The following COL5A2 variants were observed in gnomAD, a reference collection of about 807,000 sequenced individuals.
COL5A2 encodes the protein collagen alpha-2(V) chain.
A neutral mutation model predicts 208.2 loss-of-function variants in COL5A2; 23 were observed. The observed-to-expected ratio is 0.11, with a 90% CI of 0.08 to 0.16. COL5A2 has a LOEUF of 0.16. Ranked by LOEUF, COL5A2 falls within the 10% of genes least tolerant of loss-of-function variation. The pLI, the probability that COL5A2 is intolerant of heterozygous loss-of-function variation, is 1.00. For missense variants in COL5A2, 1,590 were observed against 1,956.4 expected (o/e 0.81, Z 3.53); for synonymous variants, 625 against 628.5 (o/e 0.99, Z 0.08).
chr2:189,375,917 C>G, the COL5A2 span, among the ~76,000 whole-genome samples: 1 of 152,176 alleles, frequency 6.6e-6, no homozygotes, highest in Admixed American at 6.5e-5. Flanking sequence ...TTTGACTCAG[C>G]CCACACTTCA....
the COL5A2 span, among the ~76,000 whole-genome samples, chr2:189,401,005 G>C: frequency 1.3e-5 from 2 of 151,768 alleles, no homozygotes; most frequent in Non-Finnish European, 2.9e-5. Flanking sequence ...TGTAAATTCT[G>C]GTCTGCTGTT....
chr2:189,197,112 G>A (rs79845988), intron 1 of COL5A2, among the ~76,000 whole-genome samples: 1 of 152,076 alleles, frequency 6.6e-6, no homozygotes, highest in Non-Finnish European at 1.5e-5. Flanking sequence ...GCCATTAAAA[G>A]GAATGAGATC....
chr2:189,413,870 C>A, the COL5A2 span, among the ~76,000 whole-genome samples: 2 of 138,330 alleles, frequency 1.4e-5, no homozygotes, highest in Non-Finnish European at 3.0e-5. Context: ...CAGCTCACTG[C>A]AACCTCCGCA....
At chr2:189,053,997 T>C (rs745653038) in intron 36 of COL5A2, 49 bp from the exon 37 acceptor site, 2 of 1,569,474 alleles carry the variant, frequency 1.3e-6, no homozygotes, top group Non-Finnish European at 1.8e-6. Context: ...TAGCTAAACA[T>C]AATTTTAGGA....
chr2:189,353,547 T>C, the COL5A2 span, among the ~76,000 whole-genome samples: 1 of 152,142 alleles, frequency 6.6e-6, no homozygotes, highest in African/African-American at 2.4e-5. Flanking sequence ...ATTATCTTTG[T>C]AGTAATTGTG....
At chr2:189,325,004 C>T in the COL5A2 span, among the ~76,000 whole-genome samples, 1 of 152,136 alleles carries the variant, frequency 6.6e-6, no homozygotes, top group South Asian at 2.1e-4. Context: ...ATGATGAGTT[C>T]ATGTCCTTTG....
At chr2:189,363,109 A>G in the COL5A2 span, among the ~76,000 whole-genome samples, 1 of 152,074 alleles carries the variant, frequency 6.6e-6, no homozygotes, top group South Asian at 2.1e-4. Flanking sequence ...TAAAATGACA[A>G]TTTTTTTCCT....
chr2:189,073,793 G>T (rs1156438768), intron 17 of COL5A2, among the ~76,000 whole-genome samples: 3 of 152,094 alleles, frequency 2.0e-5, no homozygotes, highest in Non-Finnish European at 4.4e-5. Context: ...CTAAAGTTCA[G>T]AAAATAACTT....
chr2:189,285,396 T>C, the COL5A2 span, among the ~76,000 whole-genome samples: 1 of 151,958 alleles, frequency 6.6e-6, no homozygotes. Flanking sequence ...CCAGAGAAAG[T>C]TAAGACAATC....
At chr2:189,244,895 T>C in the COL5A2 span, among the ~76,000 whole-genome samples, 2 of 152,316 alleles carry the variant, frequency 1.3e-5, no homozygotes, top group Middle Eastern at 3.4e-3. Context: ...TACAGTTCCA[T>C]GTGGCTGGAG....
intron 16 of COL5A2, among the ~76,000 whole-genome samples, chr2:189,076,147 C>A (rs2105623753): frequency 6.6e-6 from 1 of 152,268 alleles, no homozygotes; most frequent in East Asian, 1.9e-4. Context: ...TTTATTCATT[C>A]CTTCCTTCAA....
the COL5A2 span, among the ~76,000 whole-genome samples, chr2:189,295,187 T>G: frequency 2.6e-5 from 4 of 152,246 alleles, no homozygotes; most frequent in African/African-American, 7.2e-5. Context: ...TTTGAAAGCA[T>G]GTTCCTCTGA....
chr2:189,405,265 T>C, the COL5A2 span, among the ~76,000 whole-genome samples: 1 of 152,086 alleles, frequency 6.6e-6, no homozygotes, highest in Non-Finnish European at 1.5e-5. Flanking sequence ...AGGGTGTTGC[T>C]CTGTCACCCA....
intron 31 of COL5A2, among the ~76,000 whole-genome samples, chr2:189,060,247 G>T (rs976044965): frequency 6.6e-6 from 1 of 152,032 alleles, no homozygotes; most frequent in Non-Finnish European, 1.5e-5. Context: ...TATACTCTCT[G>T]AATCCTACTA....
the COL5A2 span, among the ~76,000 whole-genome samples, chr2:189,270,559 G>A: frequency 6.6e-6 from 1 of 152,106 alleles, no homozygotes; most frequent in Non-Finnish European, 1.5e-5. Flanking sequence ...TTAATCCTGA[G>A]TTCTAATTTG....
chr2:189,403,268 G>A, the COL5A2 span, among the ~76,000 whole-genome samples: 5 of 152,312 alleles, frequency 3.3e-5, no homozygotes, highest in East Asian at 3.9e-4. Flanking sequence ...TTTGTATCCT[G>A]AGACTTTGGC....
chr2:189,161,132 T>TA (rs1350385499), intron 1 of COL5A2, among the ~76,000 whole-genome samples: 1 of 151,000 alleles, frequency 6.6e-6, no homozygotes, highest in Non-Finnish European at 1.5e-5. Context: ...ACTTTTTTTT[T>TA]ATCTAGATGC....
chr2:189,399,655 C>T, the COL5A2 span, among the ~76,000 whole-genome samples: 3 of 152,104 alleles, frequency 2.0e-5, no homozygotes, highest in African/African-American at 7.2e-5. Context: ...TCAATGTCTT[C>T]TGCCTTCCAT....
the COL5A2 span, among the ~76,000 whole-genome samples, chr2:189,278,730 C>T: frequency 2.0e-5 from 3 of 151,894 alleles, no homozygotes; most frequent in Non-Finnish European, 2.9e-5. Flanking sequence ...CTCTTAGATA[C>T]TGATACTTCT....
Sources: allele counts gnomAD v4.1 joint callset (sites outside exome capture counted in the v4.1 genomes callset), GRCh38; gene constraint gnomAD v4.1.1; transcripts MANE v1.5; gene names NCBI Gene and HGNC (gene_info 2026-07-23, HGNC 2026-07-21).